PARD3B: variants seen among roughly 807,000 people sequenced by gnomAD.
PARD3B encodes the protein partitioning defective 3 homolog B.
PARD3B carries 103 observed loss-of-function variants against 130.2 expected under a neutral mutation model. That is an observed-to-expected ratio of 0.79 (90% CI 0.67 to 0.93). PARD3B has a LOEUF of 0.93. Among genes scored for constraint, PARD3B ranks in the 40% least tolerant of loss-of-function variants. PARD3B has a pLI of 0.00. For synonymous variants in PARD3B, 583 were observed against 553.2 expected (o/e 1.05, Z -0.76); for missense variants, 1,609 against 1,499.2 (o/e 1.07, Z -1.21).
chr2:204,770,209 T>A (rs1161795251), intron 2 of PARD3B, among the ~76,000 whole-genome samples: 1 of 79,650 alleles, frequency 1.3e-5, no homozygotes, highest in Non-Finnish European at 2.5e-5. Context: ...GGTGTCTTTG[T>A]TCTCATTGGT....
intron 4 of PARD3B, 60 bp from the exon 5 acceptor site, chr2:205,104,366 A>C (rs1487896350): frequency 1.6e-6 from 2 of 1,227,830 alleles, no homozygotes; most frequent in African/African-American, 3.0e-5. Flanking sequence ...GGGATATTTT[A>C]TTCAGATTTT....
rs2048805395 is a variant in PARD3B, at chr2:205,470,980, C to T, written c.3045-28916C>T. 1.3e-5 allele frequency among the ~76,000 whole-genome samples: 2 copies of T among 152,178 alleles called. No individual in the cohort carries two copies. The highest frequency in any genetic ancestry group is 4.8e-5 in the African/African-American group (2 of 41,448). ...CCCAGGAATGATGTGAATCAGACAT[C>T]AGAAGGGAGAATCAATTCTTGCAGT... On this transcript the variant is annotated intron_variant, in intron 20 of 22. Coordinates refer to ENST00000406610, the MANE Select transcript of PARD3B (RefSeq NM_001302769.2). The surrounding 1 kb of genome is among the most constrained non-coding windows in gnomAD (Gnocchi z 4.8).
chr2:205,163,061 T>G (rs946867556), intron 11 of PARD3B, among the ~76,000 whole-genome samples: 1 of 152,220 alleles, frequency 6.6e-6, no homozygotes, highest in Non-Finnish European at 1.5e-5. Context: ...TAGTGCTTTC[T>G]TTAAAGTTAG....
At chr2:205,324,756 C>A (rs867822355) in intron 18 of PARD3B, among the ~76,000 whole-genome samples, 4 of 152,066 alleles carry the variant, frequency 2.6e-5, no homozygotes, top group African/African-American at 9.7e-5. Context: ...TTCTAACCCT[C>A]CTCTCTCTTT....
intron 22 of PARD3B, among the ~76,000 whole-genome samples, chr2:205,556,651 C>CTGTT (rs1357596832): frequency 1.3e-5 from 2 of 152,140 alleles, no homozygotes; most frequent in Non-Finnish European, 2.9e-5. Flanking sequence ...CCTGAGGGTG[C>CTGTT]TGTTTTGGAA....
chr2:205,419,985 C>T (rs988963012), intron 19 of PARD3B, among the ~76,000 whole-genome samples: 10 of 152,244 alleles, frequency 6.6e-5, no homozygotes, highest in Middle Eastern at 3.4e-3. Flanking sequence ...GAAAGATTTG[C>T]GGCCAAGAGA....
chr2:205,448,126 C>A (rs1269684011), intron 20 of PARD3B, among the ~76,000 whole-genome samples: 1 of 152,170 alleles, frequency 6.6e-6, no homozygotes, highest in Non-Finnish European at 1.5e-5. Flanking sequence ...GCATAAACTC[C>A]CCCAGCTGTT....
intron 3 of PARD3B, among the ~76,000 whole-genome samples, chr2:205,022,560 T>A (rs1373029369): frequency 2.0e-5 from 3 of 152,176 alleles, no homozygotes; most frequent in Non-Finnish European, 4.4e-5. Flanking sequence ...CTTTTTCAGA[T>A]TTTAGTTAGA....
rs1574687876 is a variant in PARD3B at position 205,319,634 on chromosome 2, C to T, written c.2630+17933C>T. ...ATTTTTCATCCTGGTTAGTGGGACT[C>T]TATCTAATTCCCTTCCCCAGTGATT... On this transcript the variant is annotated intron_variant, in intron 18 of 22. Coordinates refer to ENST00000406610, the MANE Select transcript of PARD3B (RefSeq NM_001302769.2). 3.3e-5 allele frequency among the ~76,000 whole-genome samples: 5 copies of T among 152,116 alleles called. No homozygotes were observed. The South Asian group carries it at 1.0e-3, about 31-fold the overall frequency.
At chr2:205,066,693 C>T (rs138208100) in intron 4 of PARD3B, among the ~76,000 whole-genome samples, 30 of 152,218 alleles carry the variant, frequency 2.0e-4, no homozygotes, top group African/African-American at 7.0e-4. Context: ...AATCAGTGAT[C>T]TTAATTCTCA....
chr2:204,586,850 C>A (rs2125088699), intron 1 of PARD3B, among the ~76,000 whole-genome samples: 1 of 152,116 alleles, frequency 6.6e-6, no homozygotes, highest in East Asian at 1.9e-4. Context: ...CATTTTGTAC[C>A]ATTACCTAAT....
intron 18 of PARD3B, among the ~76,000 whole-genome samples, chr2:205,317,975 C>A (rs1023081630): frequency 2.0e-5 from 3 of 151,942 alleles, no homozygotes; most frequent in African/African-American, 4.8e-5. Context: ...ATCCCACTTG[C>A]CAACAAAAGA....
chr2:204,963,194 A>G (rs1690907306), intron 2 of PARD3B, among the ~76,000 whole-genome samples: 1 of 152,192 alleles, frequency 6.6e-6, no homozygotes, highest in Admixed American at 6.5e-5. Context: ...CTTCGGAGCT[A>G]CTCTGTTCTA....
intron 18 of PARD3B, among the ~76,000 whole-genome samples, chr2:205,380,921 TA>T (rs1559034911): frequency 3.0e-5 from 3 of 100,920 alleles, no homozygotes; most frequent in East Asian, 6.1e-4. Flanking sequence ...AAAGAATATA[TA>T]TAATATATAA....
At chr2:204,590,400 G>C (rs2033025376) in intron 1 of PARD3B, among the ~76,000 whole-genome samples, 1 of 152,304 alleles carries the variant, frequency 6.6e-6, no homozygotes, top group African/African-American at 2.4e-5. Context: ...TGATTGTAAA[G>C]GATGTGCAAA....
chr2:205,339,306 T>C (rs2043430069), intron 18 of PARD3B, among the ~76,000 whole-genome samples: 1 of 152,196 alleles, frequency 6.6e-6, no homozygotes, highest in Admixed American at 6.5e-5. Context: ...TGTATCAAGA[T>C]TTAAAAATAT....
chr2:204,643,110 TCTCA>T (rs1446621849), intron 1 of PARD3B, among the ~76,000 whole-genome samples: 2 of 7,712 alleles, frequency 2.6e-4, no homozygotes, highest in African/African-American at 5.1e-4. Context: ...GGAGACTCTG[TCTCA>T]CAAAAAAAAA....
chr2:205,234,539 A>G (rs116638501), intron 15 of PARD3B, among the ~76,000 whole-genome samples: 2,209 of 152,340 alleles, frequency 0.015, 55 homozygotes, highest in African/African-American at 0.05. Context: ...TTCAAAAAAT[A>G]AGAGAAAAAT....
Position 205,122,749 on chromosome 2 carries a change from A to G in PARD3B, c.1165+800A>G, listed in dbSNP as rs961671688. ...GTCAAAAGGTAGTTTTAGAAAAACT[A>G]TTAAGGTCTTTCAAAAACAAATAAT... On this transcript the variant is annotated intron_variant, in intron 8 of 22. Transcript: ENST00000406610. This position sits in a 1 kb window ranked among gnomAD's most constrained non-coding sequence, Gnocchi z 4.3. Among the ~76,000 whole-genome samples, 1 of 152,256 alleles carries G rather than the reference A, an allele frequency of 6.6e-6. No individual in the cohort carries two copies. Among genetic ancestry groups the G allele is most frequent in the African/African-American group, 2.4e-5 (1 of 41,476 alleles).
Sources: allele counts gnomAD v4.1 joint callset (sites outside exome capture counted in the v4.1 genomes callset), GRCh38; gene constraint gnomAD v4.1.1; non-coding constraint Gnocchi (gnomAD v3.1); transcripts MANE v1.5; gene names NCBI Gene and HGNC (gene_info 2026-07-23, HGNC 2026-07-21).